The following TENM1 variants were observed in gnomAD, a reference collection of about 807,000 sequenced individuals.
TENM1 encodes teneurin-1.
A neutral mutation model predicts 174.8 loss-of-function variants in TENM1; 35 were observed. The observed-to-expected ratio is 0.20, with a 90% CI of 0.15 to 0.27. TENM1 has a LOEUF of 0.27. TENM1 is among the 10% of genes least tolerant of loss of function. The pLI is 1.00. For missense variants in TENM1, 1,633 were observed against 2,130.1 expected (o/e 0.77, Z 4.59); for synonymous variants, 781 against 798.7 (o/e 0.98, Z 0.37).
chrX:125,032,553 C>T, the TENM1 span, among the ~76,000 whole-genome samples: 3 of 111,321 alleles, frequency 2.7e-5, no homozygotes, highest in African/African-American at 9.8e-5. Flanking sequence ...TGGAAGTAAA[C>T]TGTTGATTAT....
intron 4 of TENM1, among the ~76,000 whole-genome samples, chrX:124,733,414 C>G (rs898010667): frequency 8.9e-6 from 1 of 112,000 alleles, no homozygotes; most frequent in Non-Finnish European, 1.9e-5. Context: ...GTAATGTTAC[C>G]TTTTAATTGT....
chrX:124,609,524 A>T (rs2050236813), intron 11 of TENM1, among the ~76,000 whole-genome samples: 1 of 111,874 alleles, frequency 8.9e-6, no homozygotes, highest in Admixed American at 9.5e-5. Context: ...ATTGCAGCCA[A>T]CAAGCCTTTT....
At chrX:124,433,792 A>G (rs751740381) in intron 23 of TENM1, among the ~76,000 whole-genome samples, 32 of 112,080 alleles carry the variant, frequency 2.9e-4, no homozygotes, top group African/African-American at 1.0e-3. Context: ...AATTGCCATA[A>G]ATACCTCAAT....
intron 3 of TENM1, among the ~76,000 whole-genome samples, chrX:124,828,858 T>A (rs977149372): frequency 8.9e-6 from 1 of 112,392 alleles, no homozygotes; most frequent in Non-Finnish European, 1.9e-5. Context: ...ATCCTGAGTG[T>A]AAGTTCTTTG....
chrX:124,832,016 A>G (rs903259413), intron 3 of TENM1, among the ~76,000 whole-genome samples: 11 of 111,654 alleles, frequency 9.9e-5, no homozygotes, highest in African/African-American at 2.3e-4. Context: ...AGTGCATAAT[A>G]TACAATGCAA....
In TENM1 at chrX:124,476,255, C is replaced by G. The variant is rs1198169909; in HGVS notation, c.3949+5477G>C. Among the ~76,000 whole-genome samples, 13 of 112,016 alleles carry G rather than the reference C, an allele frequency of 1.2e-4. 1 individual carries two copies. The Admixed American group carries it at 1.2e-3, about 11-fold the overall frequency. ...CCCCAAATATAACTTTTCACAATAG[C>G]ATGCAGATGCCAGGAGAATGAGTAG... On this transcript the variant is annotated intron_variant, in intron 22 of 31. Coordinates refer to ENST00000422452, the Ensembl canonical transcript of TENM1.
At chrX:125,122,050 G>T in the TENM1 span, among the ~76,000 whole-genome samples, 2 of 112,004 alleles carry the variant, frequency 1.8e-5, no homozygotes, top group Admixed American at 1.9e-4. Context: ...TTCCAGCCTG[G>T]GTAACAGAGT....
At chrX:124,764,542 T>C (rs1459693999) in intron 3 of TENM1, among the ~76,000 whole-genome samples, 4 of 111,159 alleles carry the variant, frequency 3.6e-5, no homozygotes, top group Non-Finnish European at 7.6e-5. Flanking sequence ...TTTCTTATTT[T>C]ATCAATCCAC....
At chrX:124,567,683 G>T (rs1295813844) in intron 11 of TENM1, among the ~76,000 whole-genome samples, 1 of 111,599 alleles carries the variant, frequency 9.0e-6, no homozygotes, top group Non-Finnish European at 1.9e-5. Context: ...GTGGGCCTTG[G>T]CTTAAAAAGT....
chrX:124,500,350 C>T (rs1307038555), intron 19 of TENM1, among the ~76,000 whole-genome samples: 4 of 112,104 alleles, frequency 3.6e-5, no homozygotes, highest in East Asian at 2.8e-4. Context: ...TCTGTTTAAC[C>T]TTCCATTACA....
the TENM1 span, among the ~76,000 whole-genome samples, chrX:125,088,585 A>T: frequency 1.2e-4 from 13 of 110,947 alleles, no homozygotes; most frequent in Non-Finnish European, 1.7e-4. Context: ...TTTTTTTAAA[A>T]TTTTTTTTAA....
chrX:124,555,543 T>C (rs1390921605), intron 14 of TENM1, among the ~76,000 whole-genome samples: 2 of 111,752 alleles, frequency 1.8e-5, no homozygotes, highest in Non-Finnish European at 3.8e-5. Flanking sequence ...GGATCTAGTT[T>C]GAGGCACTAA....
chrX:125,125,814 G>A, the TENM1 span, among the ~76,000 whole-genome samples: 4 of 111,699 alleles, frequency 3.6e-5, no homozygotes, highest in Non-Finnish European at 5.6e-5. Flanking sequence ...CATAAGAATC[G>A]TTTGACTCAC....
chrX:124,392,280 G>A, exon 28 of TENM1: 2 of 1,210,050 alleles, frequency 1.7e-6, no homozygotes, highest in Non-Finnish European at 2.2e-6. Flanking sequence ...ATTTTCGATG[G>A]TCATCATAGA....
chrX:124,733,967 A>G (rs972318700), intron 4 of TENM1, among the ~76,000 whole-genome samples: 1 of 111,974 alleles, frequency 8.9e-6, no homozygotes, highest in Non-Finnish European at 1.9e-5. Flanking sequence ...GCTTGTCAGA[A>G]CTGCTACTTA....
At chrX:125,001,852 T>TACACAC in the TENM1 span, among the ~76,000 whole-genome samples, 1,149 of 84,912 alleles carry the variant, frequency 0.014, 14 homozygotes, top group East Asian at 0.049. Context: ...TATAGATAGA[T>TACACAC]ACACACACAC....
chrX:124,379,800 T>C (rs961554123), exon 32 of TENM1: 4 of 111,565 alleles, frequency 3.6e-5, no homozygotes, highest in African/African-American at 9.8e-5. Context: ...AGTAAAAAAT[T>C]GAGTCAAAAC....
intron 21 of TENM1, among the ~76,000 whole-genome samples, chrX:124,482,447 A>G (rs2046866011): frequency 9.0e-6 from 1 of 110,984 alleles, no homozygotes; most frequent in African/African-American, 3.3e-5. Context: ...CCAGTTGTCA[A>G]TTGAAAGGCA....
chrX:124,377,500 A>G (rs2060115983), exon 32 of TENM1: 1 of 112,001 alleles, frequency 8.9e-6, no homozygotes, highest in South Asian at 3.7e-4. Flanking sequence ...CTAATCAATA[A>G]CGATTAGAAT....
Sources: allele counts gnomAD v4.1 joint callset (sites outside exome capture counted in the v4.1 genomes callset), GRCh38; gene constraint gnomAD v4.1.1; transcripts MANE v1.5; gene names NCBI Gene and HGNC (gene_info 2026-07-23, HGNC 2026-07-21).